Variants in HERC4 observed in about 807,000 individuals in gnomAD.
HERC4 encodes the protein probable E3 ubiquitin-protein ligase HERC4.
HERC4 carries 28 observed loss-of-function variants against 124.3 expected under a neutral mutation model. That is an observed-to-expected ratio of 0.23 (90% CI 0.17 to 0.31). The LOEUF is 0.31. HERC4 is among the 10% of genes least tolerant of loss of function. The pLI is 1.00. For synonymous variants in HERC4, 407 were observed against 421.5 expected (o/e 0.97, Z 0.42); for missense variants, 713 against 1,229.3 (o/e 0.58, Z 6.28).
chr10:68,069,082 G>A, intron 3 of HERC4: 1 of 983,786 alleles, frequency 1.0e-6, no homozygotes, highest in African/African-American at 1.7e-5. Flanking sequence ...TGAAACAAAT[G>A]GAAATCAATG....
At chr10:67,997,294 C>A (rs1177495285) in intron 9 of HERC4, among the ~76,000 whole-genome samples, 1 of 152,104 alleles carries the variant, frequency 6.6e-6, no homozygotes, top group Admixed American at 6.5e-5. Flanking sequence ...AGCAAATAAT[C>A]TGTTTTATTA....
chr10:68,073,114 T>C lies in HERC4; in HGVS notation c.-6A>G, dbSNP rs754999419. The stretch of plus-strand genomic sequence containing the variant: ...GCATTTCCCCAGCACAACATGCTTG[T>C]AATTATTTTGGTCTTCCAGTTTCAA... On this transcript the variant is annotated 5_prime_UTR_variant, in exon 3 of 25. Coordinates refer to ENST00000373700, the MANE Select transcript of HERC4 (RefSeq NM_015601.4). 6 of 1,606,810 alleles carry C rather than the reference T, an allele frequency of 3.7e-6. No individual in the cohort carries two copies. In the South Asian group the frequency reaches 5.6e-5, roughly 15 times the overall value.
chr10:67,979,351 C>T (rs2035790726), intron 15 of HERC4, among the ~76,000 whole-genome samples: 2 of 151,932 alleles, frequency 1.3e-5, no homozygotes, highest in South Asian at 4.2e-4. Flanking sequence ...CGAAGAATGT[C>T]TCAGAGTCTT....
In HERC4 at chr10:68,055,735, C is replaced by CT. The variant is rs1199512108; in HGVS notation, c.227-11173dup. Among the ~76,000 whole-genome samples, 4 of 149,182 alleles carry CT rather than the reference C, an allele frequency of 2.7e-5. No individual in the cohort carries two copies. The East Asian group carries it at 7.8e-4, about 29-fold the overall frequency. On this transcript the variant is annotated intron_variant, in intron 3 of 24. Coordinates refer to ENST00000373700, the MANE Select transcript of HERC4 (RefSeq NM_015601.4). ...CTTCCAAAATATAGTTTTATTTTTA[C>CT]TTAGGGGCATTACAATATCCTTTTT...
intron 15 of HERC4, among the ~76,000 whole-genome samples, chr10:67,986,220 G>GT (rs754131381): frequency 7.2e-5 from 11 of 152,154 alleles, no homozygotes; most frequent in South Asian, 2.1e-4. Context: ...TTTGACTTTT[G>GT]TAACTACTGC....
At chr10:67,967,522 T>C (rs1348303407) in intron 15 of HERC4, among the ~76,000 whole-genome samples, 1 of 152,134 alleles carries the variant, frequency 6.6e-6, no homozygotes, top group Non-Finnish European at 1.5e-5. Context: ...TAGAAGGTGA[T>C]ATCTGGACAC....
intron 9 of HERC4, among the ~76,000 whole-genome samples, chr10:67,997,775 G>A (rs1302171511): frequency 2.0e-5 from 3 of 151,996 alleles, no homozygotes; most frequent in Non-Finnish European, 4.4e-5. Context: ...CCTCTTTTTG[G>A]AAATTAGGCC....
intron 9 of HERC4, chr10:67,994,385 T>C (rs1048345418): frequency 6.6e-6 from 1 of 152,174 alleles, no homozygotes; most frequent in Non-Finnish European, 1.5e-5. Flanking sequence ...CTGGAGGCTA[T>C]GAGTTAGGTA....
chr10:68,074,875 A>T (rs1231716037), intron 1 of HERC4: 1 of 152,750 alleles, frequency 6.5e-6, no homozygotes, highest in African/African-American at 2.4e-5. Context: ...GCCGGCCTGC[A>T]TCCGCCCAGC....
intron 15 of HERC4, among the ~76,000 whole-genome samples, chr10:67,982,223 C>T (rs951325245): frequency 3.3e-5 from 5 of 151,946 alleles, no homozygotes; most frequent in African/African-American, 4.8e-5. Flanking sequence ...TATAGTGCAG[C>T]GGTATAGTAA....
At chr10:68,063,197 TTTTA>T (rs1375769102) in intron 3 of HERC4, among the ~76,000 whole-genome samples, 1 of 152,134 alleles carries the variant, frequency 6.6e-6, no homozygotes, top group African/African-American at 2.4e-5. Context: ...TTGTCATACA[TTTTA>T]TTTATTTACT....
intron 8 of HERC4, among the ~76,000 whole-genome samples, chr10:68,022,974 A>G (rs1385333613): frequency 6.6e-6 from 1 of 152,134 alleles, no homozygotes; most frequent in East Asian, 1.9e-4. Context: ...ACCACAGGAG[A>G]TAACATGTTA....
At position 68,014,097 on chromosome 10, in the gene HERC4, C is replaced by G; in HGVS notation, c.998G>C (p.Ser333Thr). ...TACAGTAAAGGGGCTTTTCCTGTTG[C>G]TTGTTGAACCGGTTCCCAGCTGCCC... ...GNGQLGTGST[S>T]NRKSPFTVKG... Residue 333 changes from serine (S) to threonine (T), a missense_variant, in exon 9 of 25, where the codon AGC becomes ACC. Transcript: ENST00000373700. 6.2e-7 allele frequency: 1 copy of G among 1,613,624 alleles called. No individual in the cohort carries two copies. The highest frequency in any genetic ancestry group is 1.3e-5 in the African/African-American group (1 of 74,992).
At chr10:68,021,221 A>G (rs1015777042) in intron 8 of HERC4, among the ~76,000 whole-genome samples, 2 of 152,238 alleles carry the variant, frequency 1.3e-5, no homozygotes, top group African/African-American at 4.8e-5. Context: ...ATTCTCAATA[A>G]AATACTTAAG....
At chr10:67,923,211 A>T in intron 24 of HERC4, 72 bp from the exon 25 acceptor site, 1 of 1,120,816 alleles carries the variant, frequency 8.9e-7, no homozygotes, top group Non-Finnish European at 1.3e-6. Flanking sequence ...TATTTGGTAC[A>T]GTCGCTACAG....
chr10:67,939,720 G>A, intron 20 of HERC4, 66 bp from the exon 21 acceptor site: 1 of 741,780 alleles, frequency 1.3e-6, no homozygotes, highest in South Asian at 1.8e-5. Context: ...TTTTACTTAT[G>A]GATATATATA....
chr10:68,061,227 T>C (rs1283468508), intron 3 of HERC4, among the ~76,000 whole-genome samples: 2 of 152,118 alleles, frequency 1.3e-5, no homozygotes, highest in African/African-American at 4.8e-5. Flanking sequence ...AAGCTTTGTT[T>C]CCAGTAAGAC....
At chr10:68,032,317 T>A (rs999687503) in intron 7 of HERC4, among the ~76,000 whole-genome samples, 1 of 152,232 alleles carries the variant, frequency 6.6e-6, no homozygotes, top group Non-Finnish European at 1.5e-5. Flanking sequence ...TCACTGTAAC[T>A]GCTTGCACAA....
At chr10:67,940,261 T>G (rs2032764813) in intron 20 of HERC4, among the ~76,000 whole-genome samples, 1 of 152,156 alleles carries the variant, frequency 6.6e-6, no homozygotes, top group Non-Finnish European at 1.5e-5. Flanking sequence ...TTTAATGCAT[T>G]TTATTTAATA....
Sources: gnomAD v4.1 joint callset for allele counts (sites outside exome capture counted in the v4.1 genomes callset) on GRCh38, gnomAD v4.1.1 for gene constraint, MANE v1.5 for transcripts, NCBI Gene and HGNC (gene_info 2026-07-23, HGNC 2026-07-21) for gene names.